The following FAM13C variants were observed in gnomAD, a reference collection of about 807,000 sequenced individuals.
FAM13C encodes the protein protein FAM13C.
FAM13C carries 37 observed loss-of-function variants against 73.2 expected under a neutral mutation model. The observed-to-expected ratio is 0.51, with a 90% confidence interval of 0.39 to 0.67. The LOEUF is 0.67. Ranked by LOEUF, FAM13C falls within the 30% of genes least tolerant of loss-of-function variation. The probability of loss-of-function intolerance (pLI) is 0.00; values close to 1 mark genes in which losing one functional copy is unlikely to be tolerated. For missense variants in FAM13C, 589 were observed against 715.6 expected (o/e 0.82, Z 2.02); for synonymous variants, 246 against 260.9 (o/e 0.94, Z 0.55).
intron 11 of FAM13C, 139 bp from the exon 12 acceptor site, chr10:59,253,137 G>C: frequency 1.3e-6 from 1 of 770,882 alleles, no homozygotes; most frequent in South Asian, 1.8e-5. Flanking sequence ...AACTGGGATG[G>C]AAGAAACCAA....
intron 4 of FAM13C, among the ~76,000 whole-genome samples, chr10:59,317,186 C>A (rs1306384369): frequency 6.7e-6 from 1 of 150,132 alleles, no homozygotes. Context: ...AAAAGGAATA[C>A]CTCATTGACA....
chr10:59,293,298 G>A lies in FAM13C; in HGVS notation c.507+9503C>T, dbSNP rs527629112. Reference sequence around the variant, plus strand: ...TCACCGTGTTAGCCTGGATGGTCTCGATCTCCTGACCTCGTGATCCACCCG... The same window carrying A: ...TCACCGTGTTAGCCTGGATGGTCTCAATCTCCTGACCTCGTGATCCACCCG... On this transcript the variant is annotated intron_variant, in intron 5 of 13. Coordinates refer to ENST00000618804, the MANE Select transcript of FAM13C (RefSeq NM_198215.4). Among the ~76,000 whole-genome samples, 9 of 151,804 alleles carry A rather than the reference G, an allele frequency of 5.9e-5. No homozygotes were observed. In the East Asian group the frequency reaches 7.8e-4, roughly 13 times the overall value.
rs373366059 is a variant in FAM13C, at chr10:59,332,151, TA to T, written c.325-8046del. ...ATTTACAGCACTGATGGTATATTGT[TA>T]AATCAAAACTCAAGCTGCAAAATAA... On this transcript the variant is annotated intron_variant, in intron 3 of 13. Transcript: ENST00000618804. 1.8e-4 allele frequency among the ~76,000 whole-genome samples: 27 copies of T among 152,236 alleles called. No individual in the cohort carries two copies. In the South Asian group the frequency reaches 5.6e-3, roughly 32 times the overall value.
intron 10 of FAM13C, among the ~76,000 whole-genome samples, chr10:59,262,089 G>A (rs1434321519): frequency 6.6e-6 from 1 of 152,052 alleles, no homozygotes; most frequent in East Asian, 1.9e-4. Flanking sequence ...GGCTGTAATT[G>A]GAGTCCTTTC....
intron 6 of FAM13C, among the ~76,000 whole-genome samples, chr10:59,270,931 C>T (rs1439918362): frequency 6.6e-6 from 1 of 152,170 alleles, no homozygotes; most frequent in East Asian, 1.9e-4. Context: ...TAGAACCAAT[C>T]CCCTTTTAAG....
intron 13 of FAM13C, among the ~76,000 whole-genome samples, chr10:59,250,246 C>G (rs1205975267): frequency 6.6e-6 from 1 of 151,758 alleles, no homozygotes; most frequent in East Asian, 1.9e-4. Context: ...TCCAGACAGA[C>G]AAAGTTACTA....
At chr10:59,278,496 A>G (rs1844569198) in intron 6 of FAM13C, among the ~76,000 whole-genome samples, 1 of 152,172 alleles carries the variant, frequency 6.6e-6, no homozygotes, top group Non-Finnish European at 1.5e-5. Flanking sequence ...ACCATTCAGC[A>G]CTATTGAACC....
intron 11 of FAM13C, chr10:59,253,844 TTAAA>T (rs1277648723): frequency 6.5e-6 from 1 of 152,742 alleles, no homozygotes; most frequent in Non-Finnish European, 1.5e-5. Flanking sequence ...TCATTCTTTA[TTAAA>T]AGTAGCCTAA....
At chr10:59,262,890 A>C (rs1842656542) in intron 9 of FAM13C, among the ~76,000 whole-genome samples, 1 of 152,180 alleles carries the variant, frequency 6.6e-6, no homozygotes, top group Admixed American at 6.5e-5. Context: ...GGAGTAGCTC[A>C]GTGGTTTAGA....
intron 11 of FAM13C, chr10:59,253,703 GTACCCAAGCA>G (rs1564476734): frequency 6.6e-6 from 1 of 152,100 alleles, no homozygotes; most frequent in Non-Finnish European, 1.5e-5. Flanking sequence ...AAGTATAAAT[GTACCCAAGCA>G]TACTTAAATT....
chr10:59,339,966 C>T (rs1853278362), intron 3 of FAM13C, among the ~76,000 whole-genome samples: 1 of 152,126 alleles, frequency 6.6e-6, no homozygotes, highest in Non-Finnish European at 1.5e-5. Context: ...TTCTAAAGAA[C>T]ACAACACTAA....
chr10:59,335,662 A>T (rs901206844), intron 3 of FAM13C, among the ~76,000 whole-genome samples: 2 of 152,220 alleles, frequency 1.3e-5, no homozygotes, highest in Non-Finnish European at 2.9e-5. Context: ...CAGTAACATC[A>T]CTTCCCTAAG....
Position 59,252,836 on chromosome 10 carries a change from G to C in FAM13C, c.1495C>G (p.Pro499Ala), listed in dbSNP as rs147212027. ...TGTAAATTAGACATGGAGAGAGCTG[G>C]TGGTTTTACTTCTTTCTTTTCATCT... ...LPDEKKEVKPPALSMSNLHEA... is the reference protein window; with the variant it reads ...LPDEKKEVKPAALSMSNLHEA... Residue 499 changes from proline to alanine, a missense_variant, in exon 12 of 14, where the codon CCA becomes GCA. By Grantham distance (27) the Pro-to-Ala change is conservative. Coordinates refer to ENST00000618804, the MANE Select transcript of FAM13C (RefSeq NM_198215.4). 9.9e-6 allele frequency: 16 copies of C among 1,613,912 alleles called. No individual in the cohort carries two copies. In the African/African-American group the frequency reaches 2.1e-4, roughly 22 times the overall value.
chr10:59,275,130 T>C (rs1384676888), intron 6 of FAM13C, among the ~76,000 whole-genome samples: 3 of 152,166 alleles, frequency 2.0e-5, no homozygotes, highest in Non-Finnish European at 4.4e-5. Context: ...ATGGGGAGAA[T>C]ATTTGGGGAA....
intron 1 of FAM13C, among the ~76,000 whole-genome samples, chr10:59,356,648 G>T (rs1024911015): frequency 4.6e-5 from 7 of 152,100 alleles, no homozygotes; most frequent in African/African-American, 1.7e-4. Flanking sequence ...GGTTTCCCCA[G>T]CTCTGTACCT....
chr10:59,273,528 T>G (rs1843963772), intron 6 of FAM13C, among the ~76,000 whole-genome samples: 1 of 152,296 alleles, frequency 6.6e-6, no homozygotes, highest in South Asian at 2.1e-4. Context: ...TGACTCACTG[T>G]GTCCTCAATC....
intron 5 of FAM13C, among the ~76,000 whole-genome samples, chr10:59,299,869 CT>C (rs1310677051): frequency 6.6e-6 from 1 of 151,830 alleles, no homozygotes; most frequent in African/African-American, 2.4e-5. Context: ...CAGTTTTTTT[CT>C]GGAAAAAACT....
At chr10:59,291,989 C>T (rs550161092) in intron 5 of FAM13C, among the ~76,000 whole-genome samples, 3,933 of 152,022 alleles carry the variant, frequency 0.026, 84 homozygotes, top group Non-Finnish European at 0.042. Flanking sequence ...AGGGTTTCAC[C>T]ATATTAGCCA....
chr10:59,278,006 TCA>T (rs1484970302), intron 6 of FAM13C, among the ~76,000 whole-genome samples: 1 of 152,200 alleles, frequency 6.6e-6, no homozygotes, highest in African/African-American at 2.4e-5. Context: ...TTTATTGGAC[TCA>T]CAGCTCCACG....
Sources: gnomAD v4.1 joint callset for allele counts (sites outside exome capture counted in the v4.1 genomes callset) on GRCh38, gnomAD v4.1.1 for gene constraint, MANE v1.5 for transcripts, NCBI Gene and HGNC (gene_info 2026-07-23, HGNC 2026-07-21) for gene names.